ASAH1: variants seen among roughly 807,000 people sequenced by gnomAD.
The protein encoded by ASAH1 is acid ceramidase.
In ASAH1, 70 loss-of-function variants were observed where a neutral mutation model predicts 59.5. The observed-to-expected ratio is 1.18, with a 90% CI of 0.97 to 1.43. ASAH1 has a LOEUF of 1.43. Among genes scored for constraint, ASAH1 ranks in the 40% most tolerant of loss-of-function variants. The probability of loss-of-function intolerance (pLI) is 0.00; values close to 1 mark genes in which losing one functional copy is unlikely to be tolerated. For synonymous variants in ASAH1, 213 were observed against 166.5 expected, an observed-to-expected ratio of 1.28 and a Z score of -2.15; for missense variants, 660 against 482.5, an observed-to-expected ratio of 1.37 and a Z score of -3.45.
chr8:18,063,382 C>T (rs549659684), intron 6 of ASAH1, 152 bp from the exon 7 acceptor site: 8 of 704,636 alleles, frequency 1.1e-5, no homozygotes, highest in African/African-American at 3.5e-5. Flanking sequence ...CAGCTCACTG[C>T]GACCTCTGCC....
At chr8:18,070,737 T>C (rs1458945016) in intron 3 of ASAH1, among the ~76,000 whole-genome samples, 1 of 152,236 alleles carries the variant, frequency 6.6e-6, no homozygotes, top group Non-Finnish European at 1.5e-5. Flanking sequence ...ATGACCTCTT[T>C]TCCTCTGCTG....
At chr8:18,073,591 G>A (rs1032093394) in intron 2 of ASAH1, among the ~76,000 whole-genome samples, 1 of 152,212 alleles carries the variant, frequency 6.6e-6, no homozygotes, top group Admixed American at 6.5e-5. Context: ...ACTCAGGGGT[G>A]ATCTGGCTAT....
In ASAH1 at chr8:18,057,655, G is replaced by A. The variant is rs750916701; in HGVS notation, c.1099-32C>T. ...GAAAAGTTATTTTTACTTTAAGGAC[G>A]TTTTCAATTCAGAGATGTTCTGATA... On this transcript the variant is annotated intron_variant, in intron 13 of 13. Transcript: ENST00000637790. The A allele has an allele frequency of 6.0e-6, 9 of 1,492,978 alleles. No individual in the cohort carries two copies. The African/African-American group carries it at 6.9e-5, about 11-fold the overall frequency. The allele number at this position is 1,492,978 out of a possible 1,614,324, so 92.5% of individuals were successfully genotyped here.
chr8:18,084,113 G>GCTGGGCCGGGGGCAGGCCACGCCCC (rs1470816262), upstream of ASAH1: 3 of 1,589,486 alleles, frequency 1.9e-6, no homozygotes, highest in African/African-American at 4.0e-5. Context: ...AGAAGAGCCG[G>GCTGGGCCGGGGGCAGGCCACGCCCC]CTGGGCCGGG....
Position 18,062,294 on chromosome 8 carries a change from T to A in ASAH1, c.633A>T (p.Leu211Phe). ...GACTCCTTACTGGTTTGAATCCTGT[T>A]AACATGCCCACATAGCCAGCAAAGC... Reference protein sequence around the residue: ...ASSFAGYVGMLTGFKPGLFSL... With the variant: ...ASSFAGYVGMFTGFKPGLFSL... Residue 211 changes from leucine (L) to phenylalanine (F), a missense_variant, in exon 8 of 14, where the codon TTA becomes TTT. Leu to Phe is a conservative substitution (Grantham distance 22). Transcript: ENST00000637790. 1 of 1,614,224 alleles carries A rather than the reference T, an allele frequency of 6.2e-7. No individual in the cohort carries two copies. Among genetic ancestry groups the A allele is most frequent in the Admixed American group, 1.7e-5 (1 of 60,030 alleles).
In ASAH1 at chr8:18,064,456, CCTT is replaced by C. The variant is rs748958118; in HGVS notation, c.455_457del (p.Lys152_Gly153delinsSer). 1.3e-6 allele frequency: 2 copies of C among 1,552,696 alleles called. No homozygotes were observed. Among genetic ancestry groups the C allele is most frequent in the African/African-American group, 2.7e-5 (2 of 73,332 alleles). On this transcript the variant is annotated inframe_deletion and splice_region_variant, in exon 6 of 14. Transcript: ENST00000637790. Reference sequence around the variant, plus strand: ...CCCACCCTCCCTCAGCGCACAATTACCTTTTTTGTCTTCTGCTACTATTGAAGT... The same window carrying C: ...CCCACCCTCCCTCAGCGCACAATTACTTTTGTCTTCTGCTACTATTGAAGT...
chr8:18,082,571 G>C (rs1049720621), intron 1 of ASAH1: 3 of 152,190 alleles, frequency 2.0e-5, no homozygotes, highest in Non-Finnish European at 4.4e-5. Context: ...GTGCTAAACA[G>C]AATGGCTGTT....
In ASAH1 at chr8:18,061,365, GA is replaced by G; in HGVS notation, c.785+11del. 1 of 1,599,056 alleles carries G rather than the reference GA, an allele frequency of 6.3e-7. No individual in the cohort carries two copies. On this transcript the variant is annotated intron_variant, in intron 10 of 13. Transcript: ENST00000637790. ...AATAAATATTTAATAGTAAAGCAAC[GA>G]AACACTTTACCTTGTGCTATTTTCC...
rs773352547 is a variant in ASAH1 at position 18,064,446 on chromosome 8, C to T, written c.457+11G>A. On this transcript the variant is annotated intron_variant, in intron 6 of 13. Coordinates refer to ENST00000637790, the MANE Select transcript of ASAH1 (RefSeq NM_177924.5). ...CTTCATGCTGCCCACCCTCCCTCAG[C>T]GCACAATTACCTTTTTTGTCTTCTG... 34 of 1,552,358 alleles carry T rather than the reference C, an allele frequency of 2.2e-5. No homozygotes were observed. The East Asian group carries it at 2.3e-4, about 10-fold the overall frequency.
At chr8:18,074,001 C>T (rs186859963) in intron 2 of ASAH1, among the ~76,000 whole-genome samples, 2 of 152,056 alleles carry the variant, frequency 1.3e-5, no homozygotes, top group South Asian at 2.1e-4. Context: ...CATAGGTAGA[C>T]ACACACTCAC....
rs1799514201 is a variant in ASAH1, at chr8:18,057,376, C to T, written c.*158G>A. 3 of 475,750 alleles carry T rather than the reference C, an allele frequency of 6.3e-6. No homozygotes were observed. In the Admixed American group the frequency reaches 9.2e-5, roughly 15 times the overall value. The allele number at this position is 475,750 out of a possible 1,614,324, so 29.5% of individuals were successfully genotyped here. On this transcript the variant is annotated 3_prime_UTR_variant, in exon 14 of 14. Coordinates refer to ENST00000637790, the MANE Select transcript of ASAH1 (RefSeq NM_177924.5). ...ACTGATAGGGGGAAAAAAAAAAGAT[C>T]TGTCATTTGTCAACAGATGGACGAA...
Position 18,059,828 on chromosome 8 carries a change from A to G in ASAH1, c.786-125T>C, listed in dbSNP as rs1368186678. The G allele has an allele frequency of 1.1e-5, 11 of 956,808 alleles. No homozygotes were observed. The Admixed American group carries it at 2.7e-4, about 23-fold the overall frequency. The allele number at this position is 956,808 out of a possible 1,614,324, so 59.3% of individuals were successfully genotyped here. A position where few individuals can be genotyped will look rare whatever the true frequency, so the allele number is the denominator to read the frequency against. On this transcript the variant is annotated intron_variant, in intron 10 of 13. Coordinates refer to ENST00000637790, the MANE Select transcript of ASAH1 (RefSeq NM_177924.5). ...TGCTGAACGTGCAGGTTTGTTACATAGGTACACACGTGCCATGGTGGTTTG... is the reference window on the plus strand; with the variant it reads ...TGCTGAACGTGCAGGTTTGTTACATGGGTACACACGTGCCATGGTGGTTTG...
At chr8:18,067,130 G>A (rs1231236525) in intron 5 of ASAH1, 90 bp downstream of exon 5, 1 of 566,104 alleles carries the variant, frequency 1.8e-6, no homozygotes. Flanking sequence ...AAGACATACA[G>A]CACCTGTGCT....
chr8:18,057,443 T>C lies in ASAH1; in HGVS notation c.*91A>G, dbSNP rs573420022. ...AAAGAGAACCTGCCGCGAGTCTTAG[T>C]CTTTGGAAGGTCAGACAGCTGCAGT... On this transcript the variant is annotated 3_prime_UTR_variant, in exon 14 of 14. Coordinates refer to ENST00000637790, the MANE Select transcript of ASAH1 (RefSeq NM_177924.5). 2.0e-6 allele frequency: 2 copies of C among 1,012,808 alleles called. No homozygotes were observed. Among genetic ancestry groups the C allele is most frequent in the Non-Finnish European group, 3.0e-6 (2 of 661,406 alleles). The allele number at this position is 1,012,808 out of a possible 1,614,324, so 62.7% of individuals were successfully genotyped here. A position where few individuals can be genotyped will look rare whatever the true frequency, so the allele number is the denominator to read the frequency against.
chr8:18,061,914 G>T (rs1319051309), intron 8 of ASAH1, 174 bp from the exon 9 acceptor site: 1 of 710,698 alleles, frequency 1.4e-6, no homozygotes, highest in East Asian at 2.7e-5. Context: ...TTTGATTCTA[G>T]TATGTGAGAT....
rs767105801 is a variant in ASAH1 at position 18,069,813 on chromosome 8, C to T, written c.282G>A (p.Met94Ile). 6 of 1,586,042 alleles carry T rather than the reference C, an allele frequency of 3.8e-6. No individual in the cohort carries two copies. Among genetic ancestry groups the T allele is most frequent in the Non-Finnish European group, 5.2e-6 (6 of 1,155,656 alleles). Residue 94 changes from methionine to isoleucine, a missense_variant, in exon 4 of 14, where the codon ATG becomes ATA. Physicochemically the swap from Met to Ile is conservative, Grantham distance 10. Coordinates refer to ENST00000637790, the MANE Select transcript of ASAH1 (RefSeq NM_177924.5). ...TTACCAATTTTTCATCCACCACCTG[C>T]ATAATTTTTCCACTTGGCACGAATG... ...INTFVPSGKI[M>I]QVVDEKLPGL...
At position 18,064,414 on chromosome 8, in the gene ASAH1, T is replaced by A. The variant is rs755426766; in HGVS notation, c.457+43A>T. 26 of 1,400,802 alleles carry A rather than the reference T, an allele frequency of 1.9e-5. 1 individual carries two copies. In the South Asian group the frequency reaches 3.0e-4, roughly 16 times the overall value. 86.8% of individuals were successfully genotyped at this position (1,400,802 alleles called of 1,614,324 possible). On this transcript the variant is annotated intron_variant, in intron 6 of 13. Transcript: ENST00000637790. Reference sequence around the variant, plus strand: ...ATTTCATTTAGAAGATTTTTCTTTATGTAGTGCTTCATGCTGCCCACCCTC... The same window carrying A: ...ATTTCATTTAGAAGATTTTTCTTTAAGTAGTGCTTCATGCTGCCCACCCTC...
In ASAH1 at chr8:18,084,069, G is replaced by A. The variant is rs775295669; in HGVS notation, c.-11C>T. On this transcript the variant is annotated 5_prime_UTR_variant, in exon 1 of 14. Coordinates refer to ENST00000637790, the MANE Select transcript of ASAH1 (RefSeq NM_177924.5). ...ACTCCGGCCCGGCATCGCTCTAGCA[G>A]CCAACGCCACTCCCCGGACTCCAGC... is the stretch of plus-strand genomic sequence containing the variant. The A allele has an allele frequency of 6.3e-7, 1 of 1,598,444 alleles. No individual in the cohort carries two copies. The highest frequency in any genetic ancestry group is 8.5e-7 in the Non-Finnish European group (1 of 1,179,644).
intron 4 of ASAH1, chr8:18,068,158 G>A (rs1399397990): frequency 6.6e-6 from 1 of 152,112 alleles, no homozygotes; most frequent in Non-Finnish European, 1.5e-5. Flanking sequence ...ACCACCATAT[G>A]AAATATATAT....
Sources: gnomAD v4.1 joint callset for allele counts (sites outside exome capture counted in the v4.1 genomes callset) on GRCh38, gnomAD v4.1.1 for gene constraint, MANE v1.5 for transcripts, NCBI Gene and HGNC (gene_info 2026-07-23, HGNC 2026-07-21) for gene names.